VLDLR: variants seen among roughly 807,000 people sequenced by gnomAD.
The protein encoded by VLDLR is very low density lipoprotein receptor, also known as very low-density lipoprotein receptor.
A neutral mutation model predicts 112.7 loss-of-function variants in VLDLR; 81 were observed. The ratio of observed to expected loss-of-function variants is 0.72; its 90% confidence interval spans 0.60 to 0.86. The LOEUF (loss-of-function observed/expected upper bound fraction) is 0.86, where lower values mean the gene tolerates loss of function less well. VLDLR is among the 40% of genes least tolerant of loss of function. The pLI, the probability that VLDLR is intolerant of heterozygous loss-of-function variation, is 0.00. For synonymous variants in VLDLR, 436 were observed against 384.8 expected (o/e 1.13, Z -1.56); for missense variants, 1,237 against 1,099.4 (o/e 1.13, Z -1.77).
At chr9:2,629,201 C>T (rs1348499579) in intron 1 of VLDLR, among the ~76,000 whole-genome samples, 2 of 152,346 alleles carry the variant, frequency 1.3e-5, no homozygotes, top group Middle Eastern at 3.4e-3. Flanking sequence ...CTGATGCACA[C>T]GGGAGCTTGA....
intron 1 of VLDLR, among the ~76,000 whole-genome samples, chr9:2,634,496 G>A (rs1001994242): frequency 6.6e-6 from 1 of 152,188 alleles, no homozygotes; most frequent in Non-Finnish European, 1.5e-5. Context: ...CCAGAAGGAC[G>A]GAACTGCTAA....
chr9:2,643,415 T>C lies in VLDLR; in HGVS notation c.704T>C (p.Ile235Thr), dbSNP rs778029251. 19 of 1,614,004 alleles carry C rather than the reference T, an allele frequency of 1.2e-5. No individual in the cohort carries two copies. In the Admixed American group the frequency reaches 3.0e-4, roughly 25 times the overall value. The change falls in exon 5 of 19, where the codon ATA becomes ACA. Residue 235 changes from isoleucine to threonine, a missense_variant. Transcript: ENST00000382100. ...SLEQCGRQPV[I>T]HTKCPASEIQ... Reference sequence around the variant, plus strand: ...GAGCAGTGTGGCCGTCAGCCAGTCATACACACCAAGTGTCCAGCCAGCGAA... The same window carrying C: ...GAGCAGTGTGGCCGTCAGCCAGTCACACACACCAAGTGTCCAGCCAGCGAA...
chr9:2,647,444 G>A (rs1269855727), intron 11 of VLDLR, 30 bp from the exon 12 acceptor site: 2 of 1,589,318 alleles, frequency 1.3e-6, no homozygotes, highest in South Asian at 1.1e-5. Context: ...CTAAACCACT[G>A]AGGCTTATTT....
Position 2,651,465 on chromosome 9 carries a change from G to T in VLDLR, c.2302G>T (p.Glu768Ter). ...TGAGACAAAAGATACGAACACAACA[G>T]AAATTTCAGCAACTAGTGGACTAGT... is the stretch of plus-strand genomic sequence containing the variant. ...YSETKDTNTT[E>*]ISATSGLVPG... The change falls in exon 16 of 19, where the codon GAA (glutamate) becomes TAA (stop). Residue 768 changes from glutamate (E) to a stop codon, truncating the protein, a stop_gained. Coordinates refer to ENST00000382100, the MANE Select transcript of VLDLR (RefSeq NM_003383.5). LOFTEE classifies it high-confidence loss of function. 1.9e-6 allele frequency: 3 copies of T among 1,613,976 alleles called. No homozygotes were observed. Among genetic ancestry groups the T allele is most frequent in the Non-Finnish European group, 2.5e-6 (3 of 1,179,946 alleles).
rs925405189 is a variant in VLDLR, at chr9:2,656,649, C to A, written c.*2781C>A. 6.6e-6 allele frequency: 1 copy of A among 151,952 alleles called. No individual in the cohort carries two copies. Among genetic ancestry groups the A allele is most frequent in the African/African-American group, 2.4e-5 (1 of 41,378 alleles). 9.4% of individuals were successfully genotyped at this position (151,952 alleles called of 1,614,324 possible). A position where few individuals can be genotyped will look rare whatever the true frequency, so the allele number is the denominator to read the frequency against. On this transcript the variant is annotated 3_prime_UTR_variant, in exon 19 of 19. Transcript: ENST00000382100. ...GAGGTAAAATATGAAGCTTATCATACACTAAAGGAGAATATTTGGAGTTAG... is the reference window on the plus strand; with the variant it reads ...GAGGTAAAATATGAAGCTTATCATAAACTAAAGGAGAATATTTGGAGTTAG...
chr9:2,651,849 AC>A (rs2130808564), intron 16 of VLDLR, 24 bp from the exon 17 acceptor site: 2 of 1,613,696 alleles, frequency 1.2e-6, no homozygotes, highest in East Asian at 4.5e-5. Context: ...ATCCTTCTAA[AC>A]TGATTCCTTT....
At position 2,652,630 on chromosome 9, in the gene VLDLR, C is replaced by CATGTGTATT. The variant is rs1475843200; in HGVS notation, c.2417-149_2417-141dup. 6 of 1,055,220 alleles carry CATGTGTATT rather than the reference C, an allele frequency of 5.7e-6. No individual in the cohort carries two copies. In the African/African-American group the frequency reaches 9.5e-5, roughly 17 times the overall value. The allele number at this position is 1,055,220 out of a possible 1,614,324, so 65.4% of individuals were successfully genotyped here. A position where few individuals can be genotyped will look rare whatever the true frequency, so the allele number is the denominator to read the frequency against. ...CTGAACTTGTTTCAAGCTCCTGGCC[C>CATGTGTATT]ATGTGTATTCCAACTTCTAGTTATC... On this transcript the variant is annotated intron_variant, in intron 17 of 18. Transcript: ENST00000382100.
chr9:2,631,437 A>G (rs1817346220), intron 1 of VLDLR, among the ~76,000 whole-genome samples: 1 of 152,218 alleles, frequency 6.6e-6, no homozygotes, highest in African/African-American at 2.4e-5. Context: ...ATGAAAGGGT[A>G]AAGAAAATAT....
rs1586655742 is a variant in VLDLR at position 2,647,697 on chromosome 9, C to T, written c.1822+105C>T. 13 of 1,036,466 alleles carry T rather than the reference C, an allele frequency of 1.3e-5. No homozygotes were observed. The East Asian group carries it at 3.1e-4, about 25-fold the overall frequency. The allele number at this position is 1,036,466 out of a possible 1,614,324, so 64.2% of individuals were successfully genotyped here. ...CTAGCAGATGACTCTACTGCTTCCG[C>T]CTAAATTCTAGCAGGAATTTTCAAT... is the stretch of plus-strand genomic sequence containing the variant. On this transcript the variant is annotated intron_variant, in intron 12 of 18. Transcript: ENST00000382100.
chr9:2,637,921 T>C (rs914501580), intron 2 of VLDLR, among the ~76,000 whole-genome samples: 34 of 152,136 alleles, frequency 2.2e-4, no homozygotes, highest in Admixed American at 5.2e-4. Context: ...CCAGCCTGGG[T>C]GACAGAGCGA....
chr9:2,638,113 C>T (rs33967773), intron 2 of VLDLR, among the ~76,000 whole-genome samples: 63,218 of 151,934 alleles, frequency 0.42, 14,868 homozygotes, highest in African/African-American at 0.63. Context: ...CAGGAGAACA[C>T]AGACCTTGAA....
Position 2,650,437 on chromosome 9 carries a change from G to A in VLDLR, c.2172G>A (p.Gln724=), listed in dbSNP as rs1563766257. The A allele has an allele frequency of 2.5e-6, 4 of 1,614,134 alleles. No homozygotes were observed. Among genetic ancestry groups the A allele is most frequent in the Non-Finnish European group, 3.4e-6 (4 of 1,180,024 alleles). The change falls in exon 15 of 19, where the codon CAG becomes CAA. Residue 724 remains glutamine (Q), a synonymous_variant. Transcript: ENST00000382100. The stretch of plus-strand genomic sequence containing the variant: ...AATACCTATGCCTGCCAGCACCACA[G>A]ATTAATGATCACTCTCCAAAATATA... ...GCEYLCLPAP[Q]INDHSPKYTC... is the part of the protein sequence containing the mutation.
rs778394901 is a variant in VLDLR, at chr9:2,652,901, C to G, written c.2538C>G (p.Ser846=). Residue 846 remains serine (S), a synonymous_variant, in exon 18 of 19, where the codon TCC becomes TCG. Transcript: ENST00000382100. ...TGAAAACCACTGAAGAGGACCTCTC[C>G]ATAGACATTGGTAGACACAGTGCTT... is the stretch of plus-strand genomic sequence containing the variant. The part of the protein sequence containing the change: ...VYLKTTEEDL[S]IDIGRHSASV... 1 of 1,613,986 alleles carries G rather than the reference C, an allele frequency of 6.2e-7. No individual in the cohort carries two copies. The highest frequency in any genetic ancestry group is 1.3e-5 in the African/African-American group (1 of 74,898).
Position 2,658,263 on chromosome 9 carries a change from A to T in VLDLR, c.*4395A>T, listed in dbSNP as rs906016551. On this transcript the variant is annotated 3_prime_UTR_variant, in exon 19 of 19. Coordinates refer to ENST00000382100, the MANE Select transcript of VLDLR (RefSeq NM_003383.5). ...AGATAAATAAGCTACTAACAAACTG[A>T]TAACAGTGGTGTTCCATCTCTCTAT... 1 of 152,340 alleles carries T rather than the reference A, an allele frequency of 6.6e-6. No individual in the cohort carries two copies. Among genetic ancestry groups the T allele is most frequent in the South Asian group, 2.1e-4 (1 of 4,826 alleles). 9.4% of individuals were successfully genotyped at this position (152,340 alleles called of 1,614,324 possible). A position where few individuals can be genotyped will look rare whatever the true frequency, so the allele number is the denominator to read the frequency against.
chr9:2,650,272 T>C (rs1457370572), intron 14 of VLDLR, 98 bp from the exon 15 acceptor site: 1 of 1,513,484 alleles, frequency 6.6e-7, no homozygotes, highest in Non-Finnish European at 9.1e-7. Flanking sequence ...GTTTAAGCTC[T>C]TGGGGGCAAG....
Position 2,639,746 on chromosome 9 carries a change from G to T in VLDLR, c.203-113G>T. 16 of 1,538,084 alleles carry T rather than the reference G, an allele frequency of 1.0e-5. No homozygotes were observed. The Middle Eastern group carries it at 2.0e-3, about 196-fold the overall frequency. On this transcript the variant is annotated intron_variant, in intron 2 of 18. Coordinates refer to ENST00000382100, the MANE Select transcript of VLDLR (RefSeq NM_003383.5). ...GGATATTGGCAGTTGAGTGCCCATT[G>T]ACTCAGCTTTTTTTTAGAGCAAAAC...
At chr9:2,649,162 T>TCA (rs1818199883) in intron 14 of VLDLR, among the ~76,000 whole-genome samples, 10 of 152,174 alleles carry the variant, frequency 6.6e-5, no homozygotes, top group African/African-American at 2.2e-4. Context: ...TGCTAGGATT[T>TCA]TTGCAATGAA....
At chr9:2,628,054 T>G (rs917000533) in intron 1 of VLDLR, among the ~76,000 whole-genome samples, 2 of 152,134 alleles carry the variant, frequency 1.3e-5, no homozygotes, top group African/African-American at 2.4e-5. Flanking sequence ...TCAGACCAGC[T>G]TTATTAGTAA....
In VLDLR at chr9:2,643,933, GGA is replaced by G; in HGVS notation, c.1042_1043del (p.Ser348Ter). The G allele has an allele frequency of 6.2e-7, 1 of 1,614,096 alleles. No homozygotes were observed. The highest frequency in any genetic ancestry group is 8.5e-7 in the Non-Finnish European group (1 of 1,180,014). ...AACCAGGAGCAGGACTGCAGGGACT[GGA>G]GTGATGAGCCCCTGAAAGAGTGTCG... is the stretch of plus-strand genomic sequence containing the variant. On this transcript the variant is annotated frameshift_variant, in exon 7 of 19. Coordinates refer to ENST00000382100, the MANE Select transcript of VLDLR (RefSeq NM_003383.5). LOFTEE classifies it high-confidence loss of function.
Sources: gnomAD v4.1 joint callset for allele counts (sites outside exome capture counted in the v4.1 genomes callset) on GRCh38, gnomAD v4.1.1 for gene constraint, MANE v1.5 for transcripts, NCBI Gene and HGNC (gene_info 2026-07-23, HGNC 2026-07-21) for gene names.